Variants in FBXL14 observed in about 807,000 individuals in gnomAD.
FBXL14 encodes F-box/LRR-repeat protein 14.
A neutral mutation model predicts 24.5 loss-of-function variants in FBXL14; 11 were observed. That is an observed-to-expected ratio of 0.45 (90% confidence interval 0.28 to 0.74). FBXL14 has a LOEUF of 0.74. Ranked by LOEUF, FBXL14 falls within the 30% of genes least tolerant of loss-of-function variation. The pLI is 0.12. For synonymous variants in FBXL14, 294 were observed against 240.4 expected, an observed-to-expected ratio of 1.22 and a Z score of -2.06; for missense variants, 384 against 545.6, an observed-to-expected ratio of 0.70 and a Z score of 2.95.
chr12:1,573,012 G>C (rs191216903), intron 1 of FBXL14, among the ~76,000 whole-genome samples: 1 of 152,186 alleles, frequency 6.6e-6, no homozygotes, highest in African/African-American at 2.4e-5. Flanking sequence ...TATGGAGGCC[G>C]TAAATCTGGG....
chr12:1,585,159 G>A (rs1565588015), intron 1 of FBXL14, among the ~76,000 whole-genome samples: 1 of 152,206 alleles, frequency 6.6e-6, no homozygotes, highest in Non-Finnish European at 1.5e-5. Context: ...AGCACTTTGG[G>A]AGGCCGAGGC....
At chr12:1,588,729 TTA>T (rs1304349374) in intron 1 of FBXL14, among the ~76,000 whole-genome samples, 3 of 152,184 alleles carry the variant, frequency 2.0e-5, no homozygotes, top group Admixed American at 1.3e-4. Context: ...GAAGTTTACA[TTA>T]TGTTTTTTCA....
intron 1 of FBXL14, among the ~76,000 whole-genome samples, chr12:1,585,302 C>T (rs1163139435): frequency 6.6e-6 from 1 of 151,920 alleles, no homozygotes; most frequent in Non-Finnish European, 1.5e-5. Context: ...GGAGGCTGAG[C>T]CAGGAGAATG....
intron 1 of FBXL14, among the ~76,000 whole-genome samples, chr12:1,576,926 C>T (rs558445336): frequency 4.1e-4 from 63 of 152,242 alleles, no homozygotes; most frequent in South Asian, 2.3e-3. Flanking sequence ...CCCAATAAAC[C>T]GGCAGGATTT....
intron 1 of FBXL14, among the ~76,000 whole-genome samples, chr12:1,572,795 GGGTCAAAAT>G (rs60524045): frequency 0.28 from 42,529 of 151,914 alleles, 6,266 homozygotes; most frequent in Non-Finnish European, 0.33. Flanking sequence ...CCTGGGACCT[GGGTCAAAAT>G]GGTCAAAATG....
At chr12:1,581,235 C>G (rs2094465720) in intron 1 of FBXL14, among the ~76,000 whole-genome samples, 1 of 152,040 alleles carries the variant, frequency 6.6e-6, no homozygotes, top group African/African-American at 2.4e-5. Context: ...GTGCTGGTAG[C>G]AGCTAAAAGA....
At chr12:1,585,381 G>C (rs1024155615) in intron 1 of FBXL14, among the ~76,000 whole-genome samples, 1 of 149,336 alleles carries the variant, frequency 6.7e-6, no homozygotes, top group Non-Finnish European at 1.5e-5. Context: ...CTGGGCGACA[G>C]AGCGAGACTC....
chr12:1,585,273 C>T (rs561238137), intron 1 of FBXL14, among the ~76,000 whole-genome samples: 2 of 152,258 alleles, frequency 1.3e-5, no homozygotes, highest in South Asian at 4.1e-4. Flanking sequence ...TGGCAGGTGC[C>T]TGTGGTCCCC....
At chr12:1,571,515 A>G (rs2094445555) in intron 1 of FBXL14, among the ~76,000 whole-genome samples, 1 of 152,314 alleles carries the variant, frequency 6.6e-6, no homozygotes, top group East Asian at 1.9e-4. Context: ...GCCAGTGTAA[A>G]ACACTACTTT....
Position 1,593,809 on chromosome 12 carries a change from G to A in FBXL14, c.258C>T (p.Ile86=), listed in dbSNP as rs1258115204. The change falls in exon 1 of 2, where the codon ATC becomes ATT. Residue 86 remains isoleucine (I), a synonymous_variant. Transcript: ENST00000339235. This position sits in a 1 kb window ranked among gnomAD's most constrained non-coding sequence, Gnocchi z 7.4. ...LSLRRSLSYV[I]QGMANIESLN... is the part of the protein sequence containing the mutation. ...GGCTCTCGATGTTGGCCATGCCCTG[G>A]ATCACGTAGCTGAGGCTGCGGCGGA... 1.2e-6 allele frequency: 2 copies of A among 1,614,036 alleles called. No homozygotes were observed. Among genetic ancestry groups the A allele is most frequent in the Admixed American group, 3.3e-5 (2 of 60,012 alleles).
At chr12:1,583,069 AT>A (rs2094469758) in intron 1 of FBXL14, among the ~76,000 whole-genome samples, 1 of 152,080 alleles carries the variant, frequency 6.6e-6, no homozygotes, top group Admixed American at 6.6e-5. Flanking sequence ...ACTCTCTTAT[AT>A]TTTATGAAGA....
At chr12:1,589,835 A>C (rs2094485465) in intron 1 of FBXL14, among the ~76,000 whole-genome samples, 1 of 152,222 alleles carries the variant, frequency 6.6e-6, no homozygotes, top group Admixed American at 6.5e-5. Context: ...TAACTTTCAA[A>C]CATCAATTTG....
Position 1,593,363 on chromosome 12 carries a change from A to T in FBXL14, c.704T>A (p.Leu235His). ...RGLTGLRLLNLSFCGGISDAG... is the reference protein window; with the variant it reads ...RGLTGLRLLNHSFCGGISDAG... ...GTCCGAGATTCCCCCACAGAAGCTG[A>T]GGTTGAGGAGCCTCAGGCCCGTCAG... is the stretch of plus-strand genomic sequence containing the variant. The change falls in exon 1 of 2, where the codon CTC becomes CAC. Residue 235 changes from leucine (L) to histidine (H), a missense_variant. Leu to His is a moderately conservative substitution (Grantham distance 99). Transcript: ENST00000339235. This position sits in a 1 kb window ranked among gnomAD's most constrained non-coding sequence, Gnocchi z 7.4. The T allele has an allele frequency of 6.2e-7, 1 of 1,613,938 alleles. No individual in the cohort carries two copies. The highest frequency in any genetic ancestry group is 8.5e-7 in the Non-Finnish European group (1 of 1,180,034).
rs551143098 is a variant in FBXL14, at chr12:1,588,394, C to G, written c.1194+4479G>C. On this transcript the variant is annotated intron_variant, in intron 1 of 1. Coordinates refer to ENST00000339235, the MANE Select transcript of FBXL14 (RefSeq NM_152441.3). Reference sequence around the variant, plus strand: ...TATGTAAGAGAAAGTTCATACCTTTCAAAAGAAAAAGGAACGTTTGCTTTT... The same window carrying G: ...TATGTAAGAGAAAGTTCATACCTTTGAAAAGAAAAAGGAACGTTTGCTTTT... Among the ~76,000 whole-genome samples the G allele has an allele frequency of 2.0e-5, 3 of 152,200 alleles. No homozygotes were observed. The East Asian group carries it at 5.8e-4, about 29-fold the overall frequency.
intron 1 of FBXL14, among the ~76,000 whole-genome samples, chr12:1,592,247 A>G (rs994713689): frequency 6.7e-6 from 1 of 148,700 alleles, no homozygotes; most frequent in Middle Eastern, 3.6e-3. Flanking sequence ...ATTCAGCAGA[A>G]AAAAGGACCA....
At position 1,566,100 on chromosome 12, in the gene FBXL14, C is replaced by A. The variant is rs924581227; in HGVS notation, c.*648G>T. 22 of 152,614 alleles carry A rather than the reference C, an allele frequency of 1.4e-4. No individual in the cohort carries two copies. Among genetic ancestry groups the A allele is most frequent in the African/African-American group, 4.6e-4 (19 of 41,444 alleles). 9.5% of individuals were successfully genotyped at this position (152,614 alleles called of 1,614,324 possible). ...TGGAATGTAGAGTGGATTTCTTTCA[C>A]ATATGGGCACTCAGTAAACATTATT... On this transcript the variant is annotated 3_prime_UTR_variant, in exon 2 of 2. Coordinates refer to ENST00000339235, the MANE Select transcript of FBXL14 (RefSeq NM_152441.3).
intron 1 of FBXL14, among the ~76,000 whole-genome samples, chr12:1,575,435 C>G (rs777060527): frequency 6.6e-6 from 1 of 152,124 alleles, no homozygotes; most frequent in Non-Finnish European, 1.5e-5. Context: ...AGTAGTAGAT[C>G]TTTTGCATCC....
intron 1 of FBXL14, among the ~76,000 whole-genome samples, chr12:1,585,194 C>G (rs949829884): frequency 2.0e-5 from 3 of 151,988 alleles, no homozygotes; most frequent in Non-Finnish European, 4.4e-5. Flanking sequence ...GTCAGGAGAT[C>G]GAGACCATCC....
intron 1 of FBXL14, among the ~76,000 whole-genome samples, chr12:1,577,923 A>C (rs1413719394): frequency 6.6e-6 from 1 of 152,210 alleles, no homozygotes; most frequent in Non-Finnish European, 1.5e-5. Flanking sequence ...TAACAAAAAC[A>C]CTGCAGAGAA....
Sources: gnomAD v4.1 joint callset for allele counts (sites outside exome capture counted in the v4.1 genomes callset) on GRCh38, gnomAD v4.1.1 for gene constraint, Gnocchi (gnomAD v3.1) non-coding constraint, MANE v1.5 for transcripts, NCBI Gene and HGNC (gene_info 2026-07-23, HGNC 2026-07-21) for gene names.